Variants in PCNX3 observed in about 807,000 individuals in gnomAD.
PCNX3 encodes the protein pecanex 3.
Under a neutral mutation model 207.2 loss-of-function variants are expected in PCNX3, and 58 were observed. The ratio of observed to expected loss-of-function variants is 0.28; its 90% CI spans 0.23 to 0.35. PCNX3 has a LOEUF of 0.35. Ranked by LOEUF, PCNX3 falls within the 10% of genes least tolerant of loss-of-function variation. The pLI is 1.00. For missense variants in PCNX3, 2,410 were observed against 2,774.4 expected, an observed-to-expected ratio of 0.87 and a Z score of 2.95; for synonymous variants, 1,337 against 1,183.5, an observed-to-expected ratio of 1.13 and a Z score of -2.66.
rs61893815 is a variant in PCNX3, at chr11:65,636,570, G to T, written c.5773G>T (p.Gly1925Cys). 5.0e-6 allele frequency: 8 copies of T among 1,595,650 alleles called. No individual in the cohort carries two copies. Among genetic ancestry groups the T allele is most frequent in the Admixed American group, 1.8e-5 (1 of 55,960 alleles). The part of the protein sequence containing the change: ...GPRTSRPPGP[G>C]LLSSEGPSGK... The stretch of plus-strand genomic sequence containing the variant: ...CCGGACCTCACGGCCCCCTGGCCCG[G>T]GTCTCCTCAGTTCTGAGGGCCCCAG... Residue 1925 changes from glycine to cysteine, a missense_variant, in exon 34 of 35, where the codon GGT (glycine) becomes TGT (cysteine). By Grantham distance (159) the Gly-to-Cys change is radical. This residue lies in a region of PCNX3 where 278 missense variants were observed against 245.1 expected (regional missense o/e 1.13). Coordinates refer to ENST00000355703, the MANE Select transcript of PCNX3 (RefSeq NM_032223.4).
chr11:65,618,087 A>C lies in PCNX3; in HGVS notation c.725A>C (p.Lys242Thr). The C allele has an allele frequency of 6.2e-7, 1 of 1,609,368 alleles. No homozygotes were observed. Among genetic ancestry groups the C allele is most frequent in the South Asian group, 1.1e-5 (1 of 90,636 alleles). ...GACACTCCCATGAGCCCCCTGCTGAAGGGGAGCCTCAGCCAGGAGCTGAGC... is the reference window on the plus strand; with the variant it reads ...GACACTCCCATGAGCCCCCTGCTGACGGGGAGCCTCAGCCAGGAGCTGAGC... ...MADTPMSPLL[K>T]GSLSQELSKS... is the part of the protein sequence containing the mutation. Residue 242 changes from lysine (K) to threonine (T), a missense_variant, in exon 6 of 35, where the codon AAG (lysine) becomes ACG (threonine). Physicochemically the swap from Lys to Thr is moderately conservative, Grantham distance 78 (BLOSUM62 -1). Transcript: ENST00000355703.
At chr11:65,629,862 G>A in intron 26 of PCNX3, 127 bp downstream of exon 26, 2 of 1,015,228 alleles carry the variant, frequency 2.0e-6, no homozygotes, top group Non-Finnish European at 2.9e-6. Context: ...CCTTGGGCAA[G>A]GCACTCCTCC....
At chr11:65,626,601 A>G in intron 20 of PCNX3, 1 of 476,064 alleles carries the variant, frequency 2.1e-6, no homozygotes, top group Non-Finnish European at 3.8e-6. Flanking sequence ...TCACGGGCTC[A>G]CTGTGCACTC....
intron 4 of PCNX3, 48 bp downstream of exon 4, chr11:65,617,557 G>A: frequency 6.2e-7 from 1 of 1,613,802 alleles, no homozygotes. Context: ...TGGAACAGGG[G>A]CTGGCGTGCT....
At chr11:65,624,862 G>T in intron 15 of PCNX3, 63 bp from the exon 16 acceptor site, 2 of 1,491,288 alleles carry the variant, frequency 1.3e-6, no homozygotes, top group African/African-American at 1.4e-5. Context: ...GGGGAAGCGC[G>T]GCTAGGGTTG....
In PCNX3 at chr11:65,628,915, C is replaced by T. The variant is rs916365509; in HGVS notation, c.3908C>T (p.Ala1303Val). ...AGTGCCGTCTTCATCATGTCCTACGCTCGGCCCCTCAAGTTCTGGGAGCGC... is the reference window on the plus strand; with the variant it reads ...AGTGCCGTCTTCATCATGTCCTACGTTCGGCCCCTCAAGTTCTGGGAGCGC... ...LGSAVFIMSY[A>V]RPLKFWERDY... The change falls in exon 24 of 35, where the codon GCT becomes GTT. Residue 1303 changes from alanine to valine, a missense_variant. Transcript: ENST00000355703. The T allele has an allele frequency of 3.7e-6, 6 of 1,612,380 alleles. No individual in the cohort carries two copies. The highest frequency in any genetic ancestry group is 4.2e-6 in the Non-Finnish European group (5 of 1,179,830).
rs775202420 is a variant in PCNX3 at position 65,616,435 on chromosome 11, C to G, written c.124C>G (p.Leu42Val). The G allele has an allele frequency of 6.2e-7, 1 of 1,609,442 alleles. No individual in the cohort carries two copies. Residue 42 changes from leucine (L) to valine (V), a missense_variant, in exon 1 of 35, where the codon CTG (leucine) becomes GTG (valine). This residue lies in a region of PCNX3 where 1,104 missense variants were observed against 970.3 expected (regional missense o/e 1.14). Coordinates refer to ENST00000355703, the MANE Select transcript of PCNX3 (RefSeq NM_032223.4). ...NCFHLYVWIFLLIFPFLLYMV... is the reference protein window; with the variant it reads ...NCFHLYVWIFVLIFPFLLYMV... ...CTTCCACCTCTATGTCTGGATCTTC[C>G]TGCTCATCTTTCCCTTCTTACTGTA...
chr11:65,618,376 C>T lies in PCNX3; in HGVS notation c.1014C>T (p.Asp338=), dbSNP rs1452321692. The change falls in exon 6 of 35, where the codon GAC becomes GAT. Residue 338 remains aspartate (D), a synonymous_variant. Coordinates refer to ENST00000355703, the MANE Select transcript of PCNX3 (RefSeq NM_032223.4). ...CAGCCCCTGAGGGCAGCGACACAGA[C>T]CCACCCTCTGAGGCTGAGCTGCCTG... The part of the protein sequence containing the change: ...GGPAPEGSDT[D]PPSEAELPAS... 1.2e-6 allele frequency: 2 copies of T among 1,612,634 alleles called. No homozygotes were observed. The highest frequency in any genetic ancestry group is 1.3e-5 in the African/African-American group (1 of 74,936).
chr11:65,630,908 C>T (rs1157505299), intron 27 of PCNX3, among the ~76,000 whole-genome samples: 3 of 152,206 alleles, frequency 2.0e-5, no homozygotes, highest in African/African-American at 4.8e-5. Context: ...CCCCAGCTCA[C>T]CCAGCACAGA....
Position 65,636,618 on chromosome 11 carries a change from CGGAAGGGGCT to C in PCNX3, c.5824_5833del (p.Lys1942GlufsTer23). 6.3e-7 allele frequency: 1 copy of C among 1,585,082 alleles called. No individual in the cohort carries two copies. Among genetic ancestry groups the C allele is most frequent in the Non-Finnish European group, 8.6e-7 (1 of 1,168,160 alleles). On this transcript the variant is annotated frameshift_variant, in exon 34 of 35. Coordinates refer to ENST00000355703, the MANE Select transcript of PCNX3 (RefSeq NM_032223.4). LOFTEE classifies it high-confidence loss of function. ...CAGTGGAAAGTGGAGCCTGGGGGGCCGGAAGGGGCTGGGAGGATCTGACGGGGAGCCAGCC... is the reference window on the plus strand; with the variant it reads ...CAGTGGAAAGTGGAGCCTGGGGGGCCGGGAGGATCTGACGGGGAGCCAGCC...
rs1330583821 is a variant in PCNX3 at position 65,636,806 on chromosome 11, G to T, written c.5933G>T (p.Ser1978Ile). Reference sequence around the variant, plus strand: ...AGCCTCAGCCTCAGCCTCAGCCTCAGCCCCGATGTCAGCACTGAGGCCTCA... The same window carrying T: ...AGCCTCAGCCTCAGCCTCAGCCTCATCCCCGATGTCAGCACTGAGGCCTCA... ...DLSLSLSLSLSPDVSTEASPP... is the reference protein window; with the variant it reads ...DLSLSLSLSLIPDVSTEASPP... Residue 1978 changes from serine to isoleucine, a missense_variant, in exon 35 of 35, where the codon AGC becomes ATC. Transcript: ENST00000355703. 6.5e-7 allele frequency: 1 copy of T among 1,547,502 alleles called. No homozygotes were observed. The highest frequency in any genetic ancestry group is 2.5e-5 in the East Asian group (1 of 40,788).
chr11:65,630,409 G>A lies in PCNX3; in HGVS notation c.4275G>A (p.Glu1425=), dbSNP rs1855571759. Residue 1425 remains glutamate, a synonymous_variant, in exon 27 of 35, where the codon GAG becomes GAA. Coordinates refer to ENST00000355703, the MANE Select transcript of PCNX3 (RefSeq NM_032223.4). ...TCACCGAGGGTGTGGAGGAGGACGAGGGCTGTTGCTGCTGTGAACCTGGCC... is the reference window on the plus strand; with the variant it reads ...TCACCGAGGGTGTGGAGGAGGACGAAGGCTGTTGCTGCTGTGAACCTGGCC... ...EAITEGVEED[E]GCCCCEPGHL... 6.2e-7 allele frequency: 1 copy of A among 1,613,410 alleles called. No homozygotes were observed. The highest frequency in any genetic ancestry group is 8.5e-7 in the Non-Finnish European group (1 of 1,179,902).
At chr11:65,619,363 C>A in intron 6 of PCNX3, 174 bp from the exon 7 acceptor site, 7 of 890,972 alleles carry the variant, frequency 7.9e-6, no homozygotes, top group Non-Finnish European at 9.4e-6. Flanking sequence ...CAGTGTCATC[C>A]TTGTTTGCAA....
rs941906759 is a variant in PCNX3 at position 65,636,193 on chromosome 11, G to A, written c.5479G>A (p.Ala1827Thr). The A allele has an allele frequency of 2.6e-5, 41 of 1,602,450 alleles. No individual in the cohort carries two copies. Among genetic ancestry groups the A allele is most frequent in the African/African-American group, 5.4e-5 (4 of 74,646 alleles). The change falls in exon 33 of 35, where the codon GCC becomes ACC. Residue 1827 changes from alanine (A) to threonine (T), a missense_variant. By Grantham distance (58) the Ala-to-Thr change is moderately conservative (BLOSUM62 0). Transcript: ENST00000355703. ...TWERLHKGCG[A>T]GCNSGGNVDD... is the part of the protein sequence containing the mutation. ...CCCCAGGCTTCACAAGGGCTGTGGC[G>A]CCGGCTGCAATAGTGGCGGGAACGT...
At chr11:65,634,459 G>A in intron 28 of PCNX3, 79 bp from the exon 29 acceptor site, 2 of 1,513,942 alleles carry the variant, frequency 1.3e-6, no homozygotes, top group South Asian at 2.4e-5. Context: ...GCCTCCCTTA[G>A]CCTGAGCCCC....
intron 4 of PCNX3, 49 bp downstream of exon 4, chr11:65,617,558 C>T: frequency 6.2e-7 from 1 of 1,613,758 alleles, no homozygotes; most frequent in South Asian, 1.1e-5. Context: ...GGAACAGGGG[C>T]TGGCGTGCTG....
chr11:65,624,603 C>A, intron 15 of PCNX3, 22 bp downstream of exon 15: 1 of 1,561,406 alleles, frequency 6.4e-7, no homozygotes, highest in South Asian at 1.2e-5. Context: ...ACAGGTGGCT[C>A]AGGGATGGGG....
At chr11:65,623,989 G>T in intron 13 of PCNX3, 28 bp downstream of exon 13, 2 of 1,609,390 alleles carry the variant, frequency 1.2e-6, no homozygotes, top group Non-Finnish European at 1.7e-6. Flanking sequence ...AGCGCCTCTG[G>T]CCAGGAGGCC....
chr11:65,624,189 C>A lies in PCNX3; in HGVS notation c.2545-6C>A. ...AGACCCAGCTCCTCATGGGCTGACCCCTCAGGGCCACAACTGGGTGATCGC... is the reference window on the plus strand; with the variant it reads ...AGACCCAGCTCCTCATGGGCTGACCACTCAGGGCCACAACTGGGTGATCGC... On this transcript the variant is annotated splice_region_variant and splice_polypyrimidine_tract_variant and intron_variant, in intron 13 of 34. Transcript: ENST00000355703. 4 of 1,601,040 alleles carry A rather than the reference C, an allele frequency of 2.5e-6. No individual in the cohort carries two copies. The Admixed American group carries it at 6.8e-5, about 27-fold the overall frequency.
Sources: allele counts gnomAD v4.1 joint callset (sites outside exome capture counted in the v4.1 genomes callset), GRCh38; gene constraint gnomAD v4.1.1; regional missense constraint gnomAD v4.1.1; transcripts MANE v1.5; gene names NCBI Gene and HGNC (gene_info 2026-07-23, HGNC 2026-07-21).